PACRG: variants seen among roughly 807,000 people sequenced by gnomAD.
PACRG encodes parkin coregulated.
In PACRG, 29 loss-of-function variants were observed where a neutral mutation model predicts 29.7. The observed-to-expected ratio is 0.98, with a 90% CI of 0.73 to 1.33. The LOEUF (loss-of-function observed/expected upper bound fraction) is 1.33, where lower values mean the gene tolerates loss of function less well. Among genes scored for constraint, PACRG ranks in the 40% most tolerant of loss-of-function variants. PACRG has a pLI of 0.00. For synonymous variants in PACRG, 116 were observed against 118.7 expected (o/e 0.98, Z 0.15); for missense variants, 279 against 316.2 (o/e 0.88, Z 0.89).
chr6:162,947,542 AATCAT>A (rs1444732182), intron 2 of PACRG, among the ~76,000 whole-genome samples: 1 of 111,046 alleles, frequency 9.0e-6, no homozygotes, highest in African/African-American at 4.0e-5. Context: ...ACTCATATAT[AATCAT>A]ATATATATAA....
chr6:163,192,426 C>CG (rs1400223665), intron 4 of PACRG, among the ~76,000 whole-genome samples: 1 of 152,140 alleles, frequency 6.6e-6, no homozygotes, highest in African/African-American at 2.4e-5. Context: ...AATGTGGGCT[C>CG]GGGGACAAGC....
At chr6:163,102,194 A>ATATC (rs1815133428) in intron 4 of PACRG, among the ~76,000 whole-genome samples, 1 of 152,080 alleles carries the variant, frequency 6.6e-6, no homozygotes, top group Admixed American at 6.5e-5. Flanking sequence ...CATCCTGCAA[A>ATATC]CTTTATGTTC....
At chr6:163,018,709 C>T (rs906707732) in intron 2 of PACRG, among the ~76,000 whole-genome samples, 1 of 152,080 alleles carries the variant, frequency 6.6e-6, no homozygotes, top group Non-Finnish European at 1.5e-5. Context: ...ATTAAATTCT[C>T]CAGTAATACG....
intron 2 of PACRG, among the ~76,000 whole-genome samples, chr6:162,894,133 C>T (rs1023342048): frequency 6.6e-6 from 1 of 152,162 alleles, no homozygotes; most frequent in Non-Finnish European, 1.5e-5. Context: ...GTGGGACACA[C>T]GTCCTTCCCA....
chr6:162,839,620 G>C lies in PACRG; in HGVS notation c.291+25339G>C, dbSNP rs1435291637. The stretch of plus-strand genomic sequence containing the variant: ...GAATTAGATCCCATTTGTCAATTTT[G>C]TCTTTTGTTGCCATTGCTTTTGGTG... On this transcript the variant is annotated intron_variant, in intron 2 of 4. Coordinates refer to ENST00000366888, the MANE Select transcript of PACRG (RefSeq NM_001080379.2). 2.0e-5 allele frequency among the ~76,000 whole-genome samples: 3 copies of C among 151,892 alleles called. 1 individual carries two copies. Among genetic ancestry groups the C allele is most frequent in the Admixed American group, 2.0e-4 (3 of 15,264 alleles).
At chr6:163,060,273 G>T (rs1372675449) in intron 2 of PACRG, among the ~76,000 whole-genome samples, 1 of 151,890 alleles carries the variant, frequency 6.6e-6, no homozygotes, top group Non-Finnish European at 1.5e-5. Flanking sequence ...AAAAGAATTA[G>T]CAAAACATAC....
chr6:162,819,747 C>G lies in PACRG; in HGVS notation c.291+5466C>G, dbSNP rs572810768. Among the ~76,000 whole-genome samples, 10 of 152,322 alleles carry G rather than the reference C, an allele frequency of 6.6e-5. No homozygotes were observed. In the South Asian group the frequency reaches 2.1e-3, roughly 32 times the overall value. ...TATTTCTCTTGCTTCGTAGGCCTCACTTTCCTTATCTGTAAGTGACAACAA... is the reference window on the plus strand; with the variant it reads ...TATTTCTCTTGCTTCGTAGGCCTCAGTTTCCTTATCTGTAAGTGACAACAA... On this transcript the variant is annotated intron_variant, in intron 2 of 4. Transcript: ENST00000366888.
intron 2 of PACRG, among the ~76,000 whole-genome samples, chr6:162,856,556 A>G (rs1441276470): frequency 2.0e-5 from 3 of 151,444 alleles, no homozygotes; most frequent in Non-Finnish European, 4.4e-5. Flanking sequence ...CAAATAATCT[A>G]AACAGGTATC....
chr6:162,863,186 C>T lies in PACRG; in HGVS notation c.291+48905C>T, dbSNP rs542332190. ...GCGTGCACTCTTGTCTAGTACCGTG[C>T]CTGATGTGGGCTATGTGCTCTACTG... On this transcript the variant is annotated intron_variant, in intron 2 of 4. Coordinates refer to ENST00000366888, the MANE Select transcript of PACRG (RefSeq NM_001080379.2). 6.6e-4 allele frequency among the ~76,000 whole-genome samples: 100 copies of T among 152,286 alleles called. 1 individual carries two copies. The highest frequency in any genetic ancestry group is 2.4e-3 in the African/African-American group (99 of 41,552).
intron 4 of PACRG, among the ~76,000 whole-genome samples, chr6:163,177,482 G>A (rs1165514175): frequency 1.3e-5 from 2 of 152,060 alleles, no homozygotes; most frequent in East Asian, 3.9e-4. Flanking sequence ...GAGTGACAAT[G>A]TGGAGAGCTA....
At chr6:162,813,825 G>A (rs4709652) in intron 1 of PACRG, among the ~76,000 whole-genome samples, 15 of 151,936 alleles carry the variant, frequency 9.9e-5, no homozygotes, top group South Asian at 2.1e-4. Flanking sequence ...CATTCTAAGC[G>A]TAAGACACCT....
intron 2 of PACRG, among the ~76,000 whole-genome samples, chr6:162,865,486 T>C (rs190902700): frequency 2.3e-4 from 35 of 152,306 alleles, no homozygotes; most frequent in African/African-American, 7.9e-4. Context: ...TATATTAAGT[T>C]TCGACTACAT....
chr6:162,920,427 T>C (rs1421695679), intron 2 of PACRG, among the ~76,000 whole-genome samples: 1 of 152,186 alleles, frequency 6.6e-6, no homozygotes, highest in African/African-American at 2.4e-5. Flanking sequence ...CAGTTTACCA[T>C]AGACACAGCA....
intron 1 of PACRG, among the ~76,000 whole-genome samples, chr6:162,747,346 A>G (rs1346426242): frequency 1.3e-5 from 1 of 75,396 alleles, no homozygotes; most frequent in South Asian, 6.3e-4. Context: ...ATATATATAT[A>G]TATATATATA....
intron 4 of PACRG, among the ~76,000 whole-genome samples, chr6:163,256,416 A>G (rs539384520): frequency 1.8e-3 from 268 of 152,386 alleles, no homozygotes; most frequent in African/African-American, 6.2e-3. Flanking sequence ...TAAACAAGGA[A>G]ATAAACTATC....
At chr6:162,754,917 T>G (rs1317684248) in intron 1 of PACRG, among the ~76,000 whole-genome samples, 2 of 152,186 alleles carry the variant, frequency 1.3e-5, no homozygotes, top group African/African-American at 4.8e-5. Flanking sequence ...TGCTGGGCTT[T>G]CCTTTGGTGG....
At chr6:162,782,848 T>A (rs1349248283) in intron 1 of PACRG, among the ~76,000 whole-genome samples, 4 of 151,876 alleles carry the variant, frequency 2.6e-5, no homozygotes. Context: ...ATATTAACTT[T>A]AATGGTAATA....
chr6:163,025,218 T>C (rs1225286413), intron 2 of PACRG, among the ~76,000 whole-genome samples: 7 of 152,116 alleles, frequency 4.6e-5, no homozygotes, highest in Admixed American at 4.6e-4. Flanking sequence ...CAACAGAGTA[T>C]TGGAAGTCCT....
At chr6:162,776,436 C>T (rs1380406031) in intron 1 of PACRG, among the ~76,000 whole-genome samples, 1 of 152,182 alleles carries the variant, frequency 6.6e-6, no homozygotes, top group Non-Finnish European at 1.5e-5. Context: ...CAACAATGAG[C>T]TGGCTATAAA....
Sources: gnomAD v4.1 joint callset for allele counts (sites outside exome capture counted in the v4.1 genomes callset) on GRCh38, gnomAD v4.1.1 for gene constraint, MANE v1.5 for transcripts, NCBI Gene and HGNC (gene_info 2026-07-23, HGNC 2026-07-21) for gene names.